The following TTC27 variants were observed in gnomAD, a reference collection of about 807,000 sequenced individuals.
The protein encoded by TTC27 is tetratricopeptide repeat protein 27.
TTC27 carries 79 observed loss-of-function variants against 115.9 expected under a neutral mutation model. The observed-to-expected ratio is 0.68, with a 90% CI of 0.57 to 0.82. The LOEUF (loss-of-function observed/expected upper bound fraction) is 0.82. Ranked by LOEUF, TTC27 falls within the 40% of genes least tolerant of loss-of-function variation. The pLI is 0.00. For missense variants in TTC27, 1,054 were observed against 993.1 expected (o/e 1.06, Z -0.82); for synonymous variants, 401 against 356.0 (o/e 1.13, Z -1.42).
intron 7 of TTC27, among the ~76,000 whole-genome samples, chr2:32,667,104 A>G (rs1426773062): frequency 1.3e-5 from 2 of 152,096 alleles, no homozygotes; most frequent in African/African-American, 4.8e-5. Flanking sequence ...GGTGTAGACC[A>G]GTTTCTCTAT....
At chr2:32,640,170 C>A in intron 3 of TTC27, 100 bp from the exon 4 acceptor site, 1 of 1,158,754 alleles carries the variant, frequency 8.6e-7, no homozygotes, top group Non-Finnish European at 1.2e-6. Context: ...GCTTTTGTTT[C>A]AAAGCTGAGT....
At chr2:32,801,389 G>T (rs946112919) in intron 16 of TTC27, among the ~76,000 whole-genome samples, 2 of 152,098 alleles carry the variant, frequency 1.3e-5, no homozygotes, top group African/African-American at 4.8e-5. Context: ...GGCTCCTGGC[G>T]TTCCTCGGCT....
chr2:32,668,413 G>T (rs903920789), intron 7 of TTC27, among the ~76,000 whole-genome samples: 1 of 151,346 alleles, frequency 6.6e-6, no homozygotes, highest in Admixed American at 6.6e-5. Context: ...ATCTCCTGGT[G>T]ATAAATAGGA....
chr2:32,639,560 G>A (rs1354474383), intron 3 of TTC27, among the ~76,000 whole-genome samples: 1 of 152,074 alleles, frequency 6.6e-6, no homozygotes, highest in Admixed American at 6.6e-5. Flanking sequence ...TGAAATGTAG[G>A]TGTTTAATAT....
chr2:32,652,835 A>C (rs186490051), intron 5 of TTC27, among the ~76,000 whole-genome samples: 125 of 152,334 alleles, frequency 8.2e-4, no homozygotes, highest in African/African-American at 2.9e-3. Context: ...GGATCATCAG[A>C]AAGTTGGCAG....
At chr2:32,741,658 C>G (rs4952269) in intron 12 of TTC27, among the ~76,000 whole-genome samples, 1 of 60,046 alleles carries the variant, frequency 1.7e-5, no homozygotes, top group South Asian at 8.6e-4. Flanking sequence ...ATAAAAAAAA[C>G]AAAAAACAAA....
chr2:32,721,652 G>C (rs1042353364), intron 10 of TTC27, among the ~76,000 whole-genome samples: 5 of 145,728 alleles, frequency 3.4e-5, no homozygotes, highest in African/African-American at 1.0e-4. Context: ...TAGAGGCAGA[G>C]TCTTGCTGTG....
At chr2:32,707,624 T>C (rs1036282909) in intron 10 of TTC27, among the ~76,000 whole-genome samples, 4 of 152,220 alleles carry the variant, frequency 2.6e-5, no homozygotes, top group Non-Finnish European at 5.9e-5. Flanking sequence ...AAAAAACTAA[T>C]GAAGTATATT....
At chr2:32,628,777 A>ATTTATTTATTTATTTT (rs546996839) in intron 1 of TTC27, among the ~76,000 whole-genome samples, 1 of 143,862 alleles carries the variant, frequency 7.0e-6, no homozygotes. Flanking sequence ...TTATTTATTT[A>ATTTATTTATTTATTTT]TTGAGACGGA....
At chr2:32,662,930 C>T (rs1023888205) in intron 5 of TTC27, among the ~76,000 whole-genome samples, 2 of 152,188 alleles carry the variant, frequency 1.3e-5, no homozygotes, top group Admixed American at 6.5e-5. Flanking sequence ...ATAAATTTCT[C>T]TCTGAACACT....
intron 16 of TTC27, among the ~76,000 whole-genome samples, chr2:32,789,410 C>A (rs1470904695): frequency 6.6e-6 from 1 of 152,094 alleles, no homozygotes; most frequent in Non-Finnish European, 1.5e-5. Context: ...TTAGATGATA[C>A]TTCTGTATTT....
chr2:32,730,371 C>T (rs987493462), intron 10 of TTC27, among the ~76,000 whole-genome samples: 5 of 152,094 alleles, frequency 3.3e-5, no homozygotes, highest in Non-Finnish European at 7.4e-5. Context: ...GGACATAATC[C>T]AAGTGGCTTC....
intron 15 of TTC27, among the ~76,000 whole-genome samples, chr2:32,784,307 G>A (rs1670279275): frequency 1.3e-5 from 2 of 152,198 alleles, no homozygotes; most frequent in South Asian, 4.1e-4. Flanking sequence ...CAAAGGTGGA[G>A]TTGTAAGGTC....
At chr2:32,728,374 G>A (rs1280667295) in intron 10 of TTC27, among the ~76,000 whole-genome samples, 2 of 152,042 alleles carry the variant, frequency 1.3e-5, no homozygotes, top group South Asian at 2.1e-4. Flanking sequence ...TTTTCAGCCT[G>A]TAATCACAAA....
intron 12 of TTC27, among the ~76,000 whole-genome samples, chr2:32,754,981 C>T (rs62133903): frequency 0.33 from 50,146 of 150,426 alleles, 8,958 homozygotes; most frequent in Non-Finnish European, 0.39. Context: ...ACTTCTCAGA[C>T]GGGGCGGCTG....
intron 9 of TTC27, among the ~76,000 whole-genome samples, chr2:32,689,858 T>C (rs527747578): frequency 6.6e-6 from 1 of 152,336 alleles, no homozygotes; most frequent in Admixed American, 6.5e-5. Context: ...GAAGTATTAA[T>C]ATATGATTTC....
chr2:32,704,551 G>C (rs1003156836), intron 10 of TTC27, among the ~76,000 whole-genome samples: 1 of 152,088 alleles, frequency 6.6e-6, no homozygotes, highest in African/African-American at 2.4e-5. Context: ...ACAGTACGAA[G>C]AATTCCCATA....
intron 7 of TTC27, among the ~76,000 whole-genome samples, chr2:32,667,005 C>T (rs1260317433): frequency 1.3e-5 from 2 of 151,054 alleles, no homozygotes; most frequent in Non-Finnish European, 2.9e-5. Context: ...GAGATAAATA[C>T]TGTTTTTCTT....
chr2:32,663,672 GTA>G (rs1559194074), intron 5 of TTC27, among the ~76,000 whole-genome samples: 46 of 129,132 alleles, frequency 3.6e-4, no homozygotes, highest in African/African-American at 1.2e-3. Context: ...ATGTATGTAT[GTA>G]TGTATGTATT....
Sources: allele counts gnomAD v4.1 joint callset (sites outside exome capture counted in the v4.1 genomes callset), GRCh38; gene constraint gnomAD v4.1.1; transcripts MANE v1.5; gene names NCBI Gene and HGNC (gene_info 2026-07-23, HGNC 2026-07-21).